The following CLVS1 variants were observed in gnomAD, a reference collection of about 807,000 sequenced individuals.
CLVS1 encodes clavesin 1.
CLVS1 carries 10 observed loss-of-function variants against 33.1 expected under a neutral mutation model. That is an observed-to-expected ratio of 0.30 (90% CI 0.19 to 0.51). The LOEUF is 0.51. Ranked by LOEUF, CLVS1 falls within the 20% of genes least tolerant of loss-of-function variation. The pLI, the probability that CLVS1 is intolerant of heterozygous loss-of-function variation, is 0.97. For missense variants in CLVS1, 343 were observed against 433.4 expected (o/e 0.79, Z 1.85); for synonymous variants, 163 against 166.1 (o/e 0.98, Z 0.14).
At chr8:61,480,576 CT>C (rs1282932183) in intron 5 of CLVS1, among the ~76,000 whole-genome samples, 1 of 152,018 alleles carries the variant, frequency 6.6e-6, no homozygotes, top group Non-Finnish European at 1.5e-5. Context: ...GCATGGTGTG[CT>C]GCACCCACTG....
chr8:61,200,450 T>A (rs1402461680), intron 2 of CLVS1, among the ~76,000 whole-genome samples: 4 of 152,254 alleles, frequency 2.6e-5, no homozygotes, highest in Non-Finnish European at 5.9e-5. Context: ...GACTACACAA[T>A]GCATCGTTCC....
chr8:61,427,583 A>T (rs1370903199), intron 3 of CLVS1, among the ~76,000 whole-genome samples: 1 of 152,214 alleles, frequency 6.6e-6, no homozygotes, highest in Non-Finnish European at 1.5e-5. Context: ...AGACTCTGCC[A>T]GGGCTGGTAA....
At chr8:61,446,904 T>C (rs1352440631) in intron 3 of CLVS1, among the ~76,000 whole-genome samples, 1 of 152,044 alleles carries the variant, frequency 6.6e-6, no homozygotes, top group African/African-American at 2.4e-5. Context: ...AAGATTTTCC[T>C]CTTATCTATT....
At chr8:61,240,120 A>C (rs1808660560) in intron 2 of CLVS1, among the ~76,000 whole-genome samples, 1 of 152,234 alleles carries the variant, frequency 6.6e-6, no homozygotes, top group East Asian at 1.9e-4. Context: ...ATCAATAAAC[A>C]ATGAGAGGTA....
intron 2 of CLVS1, among the ~76,000 whole-genome samples, chr8:61,356,749 G>C (rs1333112257): frequency 1.3e-5 from 2 of 152,074 alleles, no homozygotes; most frequent in South Asian, 2.1e-4. Context: ...ATTTCTGAGG[G>C]CTCTGTTCTG....
chr8:61,288,689 C>T (rs1356876880), intron 1 of CLVS1, among the ~76,000 whole-genome samples: 1 of 152,128 alleles, frequency 6.6e-6, no homozygotes, highest in African/African-American at 2.4e-5. Context: ...ATTAACATGG[C>T]CTAGGGCATA....
intron 2 of CLVS1, among the ~76,000 whole-genome samples, chr8:61,358,711 A>T (rs1443210806): frequency 1.3e-5 from 2 of 152,176 alleles, no homozygotes; most frequent in African/African-American, 2.4e-5. Context: ...ACCCAAACAG[A>T]GTATTAGAGA....
chr8:61,087,287 G>T (rs542740161), intron 1 of CLVS1, among the ~76,000 whole-genome samples: 1 of 152,312 alleles, frequency 6.6e-6, no homozygotes, highest in South Asian at 2.1e-4. Context: ...GGAAGAGGGG[G>T]CATTGAGGCA....
chr8:61,405,374 A>G lies in CLVS1; in HGVS notation c.630+28595A>G, dbSNP rs114824839. ...TAAAAAGCAGCTAGTTCAGCTCCCA[A>G]TTCAAGCCATTACACAAGGGCATTT... On this transcript the variant is annotated intron_variant, in intron 3 of 5. Transcript: ENST00000325897. Among the ~76,000 whole-genome samples the G allele has an allele frequency of 8.6e-3, 1,314 of 152,312 alleles. 20 individuals carry two copies. Among genetic ancestry groups the G allele is most frequent in the African/African-American group, 0.029 (1,226 of 41,564 alleles).
At chr8:61,336,859 A>C (rs930032402) in intron 2 of CLVS1, among the ~76,000 whole-genome samples, 1 of 152,230 alleles carries the variant, frequency 6.6e-6, no homozygotes, top group Admixed American at 6.5e-5. Context: ...TGCCAGTAAT[A>C]AATAAACAGG....
At chr8:61,357,306 C>A (rs1225332710) in intron 2 of CLVS1, among the ~76,000 whole-genome samples, 1 of 151,978 alleles carries the variant, frequency 6.6e-6, no homozygotes, top group East Asian at 1.9e-4. Flanking sequence ...ATCTATGGAA[C>A]TTTCTTTCAG....
intron 2 of CLVS1, among the ~76,000 whole-genome samples, chr8:61,357,676 T>G (rs374565170): frequency 1.1e-4 from 17 of 151,712 alleles, no homozygotes; most frequent in African/African-American, 3.4e-4. Flanking sequence ...TGGCTAATTT[T>G]TTGTATTTTT....
At chr8:61,254,454 C>T (rs1350025334) in intron 2 of CLVS1, among the ~76,000 whole-genome samples, 1 of 152,196 alleles carries the variant, frequency 6.6e-6, no homozygotes, top group African/African-American at 2.4e-5. Flanking sequence ...AGCTGTCAGA[C>T]AGGGACATTT....
chr8:61,115,619 G>A (rs1805706493), intron 1 of CLVS1, among the ~76,000 whole-genome samples: 1 of 151,664 alleles, frequency 6.6e-6, no homozygotes. Flanking sequence ...GTGAGAATAT[G>A]CGGTGTTTGG....
At chr8:61,202,731 T>A (rs1419890378) in intron 2 of CLVS1, 1 of 1,576,048 alleles carries the variant, frequency 6.3e-7, no homozygotes, top group South Asian at 1.1e-5. Flanking sequence ...AGTCAGAAGA[T>A]GAAGAGGAGG....
chr8:60,989,999 C>T, the CLVS1 span, among the ~76,000 whole-genome samples: 2 of 151,774 alleles, frequency 1.3e-5, no homozygotes, highest in Admixed American at 6.6e-5. Context: ...TTGGCAGGCA[C>T]CTGTAGTCCC....
chr8:61,055,749 G>C (rs1804464127), upstream of CLVS1, among the ~76,000 whole-genome samples: 1 of 152,190 alleles, frequency 6.6e-6, no homozygotes, highest in Non-Finnish European at 1.5e-5. Flanking sequence ...CAAGCCTCTG[G>C]TATATTGGTC....
chr8:61,223,660 G>A (rs929233928), intron 2 of CLVS1, among the ~76,000 whole-genome samples: 1 of 152,042 alleles, frequency 6.6e-6, no homozygotes, highest in Non-Finnish European at 1.5e-5. Context: ...TGTGTCTTGA[G>A]GTTGATCTTC....
intron 3 of CLVS1, among the ~76,000 whole-genome samples, chr8:61,409,152 A>G (rs1013803675): frequency 2.0e-5 from 3 of 152,216 alleles, no homozygotes; most frequent in Admixed American, 2.0e-4. Context: ...TGACTGACAC[A>G]TATAATATAT....
Sources: gnomAD v4.1 joint callset for allele counts (sites outside exome capture counted in the v4.1 genomes callset) on GRCh38, gnomAD v4.1.1 for gene constraint, MANE v1.5 for transcripts, NCBI Gene and HGNC (gene_info 2026-07-23, HGNC 2026-07-21) for gene names.